The following TRIM2 variants were observed in gnomAD, a reference collection of about 807,000 sequenced individuals.
TRIM2 encodes the protein tripartite motif-containing protein 2.
In TRIM2, 20 loss-of-function variants were observed where a neutral mutation model predicts 75.2. That is an observed-to-expected ratio of 0.27 (90% CI 0.19 to 0.39). The LOEUF is 0.39. Ranked by LOEUF, TRIM2 falls within the 10% of genes least tolerant of loss-of-function variation. TRIM2 has a pLI of 1.00. For synonymous variants in TRIM2, 373 were observed against 388.3 expected (o/e 0.96, Z 0.46); for missense variants, 660 against 990.8 (o/e 0.67, Z 4.48).
At chr4:153,266,735 C>G (rs1755241051) in intron 1 of TRIM2, among the ~76,000 whole-genome samples, 1 of 150,760 alleles carries the variant, frequency 6.6e-6, no homozygotes, top group Non-Finnish European at 1.5e-5. Flanking sequence ...ATCTGTTCAC[C>G]CGAACTCCCA....
At chr4:153,283,117 T>C (rs1265151024) in intron 3 of TRIM2, among the ~76,000 whole-genome samples, 1 of 152,200 alleles carries the variant, frequency 6.6e-6, no homozygotes, top group Non-Finnish European at 1.5e-5. Flanking sequence ...ATGTGGTTTT[T>C]AGTATAGTCA....
rs746386202 is a variant in TRIM2 at position 153,295,323 on chromosome 4, C to A, written c.797C>A (p.Ser266Ter). 2 of 1,594,884 alleles carry A rather than the reference C, an allele frequency of 1.3e-6. No individual in the cohort carries two copies. Among genetic ancestry groups the A allele is most frequent in the South Asian group, 1.1e-5 (1 of 88,090 alleles). The stretch of plus-strand genomic sequence containing the variant: ...CCGGTTTTCCCGCAGGTCCTCCAGT[C>A]GCAGCTGGATACTCTGCTCCAGGGG... ...NYGLKHKVLQ[S>*]QLDTLLQGQE... is the part of the protein sequence containing the mutation. Residue 266 changes from serine (S) to a stop codon, truncating the protein, a stop_gained, in exon 6 of 12, where the codon TCG becomes TAG. Coordinates refer to ENST00000338700, the MANE Select transcript of TRIM2 (RefSeq NM_015271.5). LOFTEE classifies it high-confidence loss of function. This position sits in a 1 kb window ranked among gnomAD's most constrained non-coding sequence, Gnocchi z 7.2.
At chr4:153,204,236 G>C (rs1734792236), upstream of TRIM2, among the ~76,000 whole-genome samples, 1 of 152,132 alleles carries the variant, frequency 6.6e-6, no homozygotes, top group Non-Finnish European at 1.5e-5. Context: ...TTTCCTACTG[G>C]GGGCTGTAAA....
intron 10 of TRIM2, among the ~76,000 whole-genome samples, chr4:153,327,659 T>A (rs1770546401): frequency 6.6e-6 from 1 of 152,156 alleles, no homozygotes; most frequent in Non-Finnish European, 1.5e-5. Context: ...AACATTAACA[T>A]TTACTTTTTT....
chr4:153,244,331 TTCTTCTTCTTCTTCTTCTTCTTCC>T (rs1560873968), intron 1 of TRIM2, among the ~76,000 whole-genome samples: 257 of 24,236 alleles, frequency 0.011, 19 homozygotes, highest in African/African-American at 0.011. Context: ...CTTCTTCTTC[TTCTTCTTCTTCTTCTTCTTCTTCC>T]TCTTCTTCTT....
chr4:153,216,697 G>A (rs968635130), intron 1 of TRIM2, among the ~76,000 whole-genome samples: 11 of 152,196 alleles, frequency 7.2e-5, no homozygotes, highest in African/African-American at 2.7e-4. Flanking sequence ...GAAAGTTCAA[G>A]AGCAAGGCAC....
At chr4:153,288,809 A>G (rs1761234633) in intron 3 of TRIM2, among the ~76,000 whole-genome samples, 2 of 150,422 alleles carry the variant, frequency 1.3e-5, no homozygotes, top group Non-Finnish European at 3.0e-5. Flanking sequence ...AGACTGTATA[A>G]TCTCAATAGG....
At chr4:153,244,409 TTCTTCTTCTTCTTCTTC>T (rs1560875282) in intron 1 of TRIM2, among the ~76,000 whole-genome samples, 4 of 87,768 alleles carry the variant, frequency 4.6e-5, no homozygotes, top group South Asian at 3.0e-4. Context: ...CTTCTTCTTC[TTCTTCTTCTTCTTCTTC>T]TTCTTCTTCT....
At chr4:153,309,567 C>T (rs1004864095) in intron 6 of TRIM2, 4 of 151,818 alleles carry the variant, frequency 2.6e-5, no homozygotes, top group African/African-American at 7.3e-5. Flanking sequence ...AGATCTTACA[C>T]TTGGCTCAGT....
chr4:153,186,444 G>A (rs186096344), intron 1 of TRIM2, among the ~76,000 whole-genome samples: 10 of 152,122 alleles, frequency 6.6e-5, no homozygotes, highest in Admixed American at 5.2e-4. Context: ...AGGAAATAGC[G>A]CTTAACCTCA....
At chr4:153,232,746 C>G (rs1424872483) in intron 1 of TRIM2, among the ~76,000 whole-genome samples, 1 of 152,158 alleles carries the variant, frequency 6.6e-6, no homozygotes, top group Non-Finnish European at 1.5e-5. Flanking sequence ...GTCGTTAAGT[C>G]TAGAACATAA....
chr4:153,185,435 G>T (rs950386919), intron 1 of TRIM2, among the ~76,000 whole-genome samples: 7 of 151,838 alleles, frequency 4.6e-5, no homozygotes, highest in Admixed American at 3.9e-4. Flanking sequence ...TAAAGCAGAG[G>T]CTTGATCATA....
chr4:153,259,611 T>C (rs1560900933), intron 1 of TRIM2, among the ~76,000 whole-genome samples: 1 of 152,264 alleles, frequency 6.6e-6, no homozygotes, highest in Non-Finnish European at 1.5e-5. Flanking sequence ...AATTACTTTT[T>C]ACTATGGCAA....
At chr4:153,313,505 C>A (rs1251259115) in intron 6 of TRIM2, among the ~76,000 whole-genome samples, 1 of 152,032 alleles carries the variant, frequency 6.6e-6, no homozygotes, top group Non-Finnish European at 1.5e-5. Context: ...AAATCTGTTT[C>A]AGACAAGTCT....
chr4:153,215,277 T>TCCACATAGGC (rs1408006164), intron 1 of TRIM2, among the ~76,000 whole-genome samples: 1 of 152,088 alleles, frequency 6.6e-6, no homozygotes, highest in African/African-American at 2.4e-5. Flanking sequence ...CCTCCTCTCC[T>TCCACATAGGC]CCACATAGGC....
chr4:153,202,232 GACA>G (rs2061905142), upstream of TRIM2, among the ~76,000 whole-genome samples: 1 of 152,172 alleles, frequency 6.6e-6, no homozygotes, highest in Admixed American at 6.5e-5. Flanking sequence ...AATTCATTTT[GACA>G]ACTACTGTGT....
chr4:153,249,230 C>A (rs576292465), intron 1 of TRIM2, among the ~76,000 whole-genome samples: 89 of 152,254 alleles, frequency 5.8e-4, no homozygotes, highest in Non-Finnish European at 6.6e-4. Context: ...AATACCGGCG[C>A]GCAATCGCCA....
chr4:153,269,251 G>C (rs546277057), intron 1 of TRIM2, among the ~76,000 whole-genome samples: 75 of 152,260 alleles, frequency 4.9e-4, no homozygotes, highest in African/African-American at 1.7e-3. Flanking sequence ...ACAATATATT[G>C]CGGAGAACTG....
chr4:153,162,996 A>G (rs543254447), intron 1 of TRIM2, among the ~76,000 whole-genome samples: 3 of 152,320 alleles, frequency 2.0e-5, no homozygotes, highest in Admixed American at 2.0e-4. Context: ...TTGGAAGTGG[A>G]ATCCTATCAT....
Sources: gnomAD v4.1 joint callset for allele counts (sites outside exome capture counted in the v4.1 genomes callset) on GRCh38, gnomAD v4.1.1 for gene constraint, Gnocchi (gnomAD v3.1) non-coding constraint, MANE v1.5 for transcripts, NCBI Gene and HGNC (gene_info 2026-07-23, HGNC 2026-07-21) for gene names.